Variants in COL24A1 observed in about 807,000 individuals in gnomAD.
COL24A1 encodes the protein collagen type XXIV alpha 1 chain.
In COL24A1, 224 loss-of-function variants were observed where a neutral mutation model predicts 253.9. The ratio of observed to expected loss-of-function variants is 0.88; its 90% CI spans 0.79 to 0.99. The LOEUF is 0.99. Ranked by LOEUF, COL24A1 falls within the 50% of genes least tolerant of loss-of-function variation. COL24A1 has a pLI of 0.00. For missense variants in COL24A1, 2,131 were observed against 2,068.5 expected, an observed-to-expected ratio of 1.03 and a Z score of -0.59; for synonymous variants, 685 against 673.7, an observed-to-expected ratio of 1.02 and a Z score of -0.26.
rs138785101 is a variant in COL24A1, at chr1:85,996,232, A to C, written c.2311-8578T>G. Among the ~76,000 whole-genome samples, 577 of 152,280 alleles carry C rather than the reference A, an allele frequency of 3.8e-3. 5 individuals are homozygous for C. The highest frequency in any genetic ancestry group is 0.013 in the African/African-American group (557 of 41,554). ...AGAGAAAATAGAAATTATTTATTGA[A>C]CTTGTCCCCAGATAAAATCAGTGGA... On this transcript the variant is annotated intron_variant, in intron 19 of 59. Coordinates refer to ENST00000370571, the MANE Select transcript of COL24A1 (RefSeq NM_152890.7).
rs371601939 is a variant in COL24A1 at position 85,872,653 on chromosome 1, G to A, written c.3138+1996C>T. The stretch of plus-strand genomic sequence containing the variant: ...TAGCCATATGTAGAAAGCTGAAAAC[G>A]GATCCCTTTCTTACACCTTATACAA... On this transcript the variant is annotated intron_variant, in intron 35 of 59. Coordinates refer to ENST00000370571, the MANE Select transcript of COL24A1 (RefSeq NM_152890.7). 1.1e-4 allele frequency among the ~76,000 whole-genome samples: 17 copies of A among 152,210 alleles called. No individual in the cohort carries two copies. In the East Asian group the frequency reaches 2.3e-3, roughly 21 times the overall value.
At chr1:85,957,037 T>C (rs1428826412) in intron 24 of COL24A1, among the ~76,000 whole-genome samples, 4 of 151,908 alleles carry the variant, frequency 2.6e-5, no homozygotes, top group Non-Finnish European at 5.9e-5. Flanking sequence ...TATGCAGCCA[T>C]AAAAAAGAAT....
chr1:85,798,761 T>G (rs1671091979), intron 47 of COL24A1, among the ~76,000 whole-genome samples: 1 of 152,200 alleles, frequency 6.6e-6, no homozygotes, highest in Non-Finnish European at 1.5e-5. Context: ...ACAACACTTA[T>G]GCTTGTGTTC....
intron 18 of COL24A1, among the ~76,000 whole-genome samples, chr1:86,019,422 T>TGGGGGTGGACCATACCCA: frequency 6.7e-6 from 1 of 150,198 alleles, no homozygotes; most frequent in South Asian, 2.1e-4. Flanking sequence ...TAGCTGGGTA[T>TGGGGGTGGACCATACCCA]GGTGGTGGAC....
chr1:85,826,853 C>T (rs1447054628), intron 43 of COL24A1, among the ~76,000 whole-genome samples: 1 of 152,184 alleles, frequency 6.6e-6, no homozygotes, highest in African/African-American at 2.4e-5. Flanking sequence ...TCTAGATATA[C>T]AATCATGGCA....
At chr1:86,012,014 C>A (rs1696535543) in intron 19 of COL24A1, among the ~76,000 whole-genome samples, 1 of 152,082 alleles carries the variant, frequency 6.6e-6, no homozygotes, top group African/African-American at 2.4e-5. Flanking sequence ...GACAAAGCCT[C>A]ACTATGTTGC....
At chr1:86,128,352 T>C (rs1648637921) in intron 2 of COL24A1, among the ~76,000 whole-genome samples, 1 of 151,952 alleles carries the variant, frequency 6.6e-6, no homozygotes, top group Admixed American at 6.6e-5. Flanking sequence ...ACTCTAAAGG[T>C]ATGCCTAGCT....
chr1:85,906,278 A>T (rs865939181), intron 28 of COL24A1, among the ~76,000 whole-genome samples: 81 of 6,042 alleles, frequency 0.013, 1 homozygote, highest in East Asian at 0.018. Context: ...TTTTTTTTTT[A>T]CCATGGTTAG....
intron 2 of COL24A1, among the ~76,000 whole-genome samples, chr1:86,131,409 A>T (rs979002829): frequency 9.2e-5 from 14 of 152,030 alleles, no homozygotes; most frequent in African/African-American, 3.4e-4. Flanking sequence ...CATGTGCACA[A>T]TGTGCAGGTT....
intron 46 of COL24A1, 59 bp downstream of exon 46, chr1:85,817,975 G>C: frequency 1.4e-6 from 2 of 1,417,428 alleles, no homozygotes; most frequent in South Asian, 2.3e-5. Context: ...TTTTCTGCTT[G>C]CTAAAGTTGC....
intron 32 of COL24A1, among the ~76,000 whole-genome samples, chr1:85,885,398 T>TA (rs1553213745): frequency 0.06 from 3,494 of 58,102 alleles, 122 homozygotes; most frequent in African/African-American, 0.16. Flanking sequence ...TATATATATA[T>TA]TTTTTTTTTA....
At chr1:86,033,382 A>G (rs1698743198) in intron 13 of COL24A1, among the ~76,000 whole-genome samples, 1 of 152,118 alleles carries the variant, frequency 6.6e-6, no homozygotes, top group African/African-American at 2.4e-5. Flanking sequence ...ATAGCAATCC[A>G]TCATCATTCT....
Position 85,987,605 on chromosome 1 carries a change from G to A in COL24A1, c.2360C>T (p.Pro787Leu), listed in dbSNP as rs1693837626. The change falls in exon 20 of 60, where the codon CCA (proline) becomes CTA (leucine). Residue 787 changes from proline (P) to leucine (L), a missense_variant. Transcript: ENST00000370571. ...GIPGQNGPEG[P>L]KGLLGNRGPP... ...CTCTCTTCTTCTTCTTCTTACCTTT[G>A]GTCCTTCAGGGCCGTTTTGTCCAGG... is the stretch of plus-strand genomic sequence containing the variant. 1.2e-6 allele frequency: 2 copies of A among 1,609,300 alleles called. No individual in the cohort carries two copies. The highest frequency in any genetic ancestry group is 1.7e-6 in the Non-Finnish European group (2 of 1,177,114).
At chr1:86,107,226 T>G (rs1028516197) in intron 5 of COL24A1, among the ~76,000 whole-genome samples, 2 of 152,158 alleles carry the variant, frequency 1.3e-5, no homozygotes, top group Admixed American at 6.5e-5. Context: ...TTACAAACAG[T>G]GTTACCTTGG....
intron 24 of COL24A1, among the ~76,000 whole-genome samples, chr1:85,948,075 G>T (rs1189570563): frequency 1.3e-5 from 2 of 152,078 alleles, no homozygotes; most frequent in African/African-American, 2.4e-5. Context: ...CATATCTCCT[G>T]ATGAAAACAA....
At chr1:85,904,671 T>C (rs1684635092) in intron 28 of COL24A1, among the ~76,000 whole-genome samples, 1 of 152,184 alleles carries the variant, frequency 6.6e-6, no homozygotes, top group Non-Finnish European at 1.5e-5. Context: ...TAAGAATCTC[T>C]GTAAGAATGA....
intron 24 of COL24A1, among the ~76,000 whole-genome samples, chr1:85,949,405 G>A (rs780835044): frequency 3.3e-5 from 5 of 152,036 alleles, no homozygotes; most frequent in African/African-American, 4.8e-5. Context: ...TGGATATTTA[G>A]GGAAGATACA....
chr1:85,926,221 C>G (rs1484982338), intron 24 of COL24A1, among the ~76,000 whole-genome samples: 1 of 152,256 alleles, frequency 6.6e-6, no homozygotes. Flanking sequence ...TTTTACACTG[C>G]TGGTGGGAGT....
intron 3 of COL24A1, among the ~76,000 whole-genome samples, chr1:86,123,673 T>G (rs114731014): frequency 2.4e-4 from 36 of 152,184 alleles, no homozygotes; most frequent in African/African-American, 7.0e-4. Flanking sequence ...CATAACTATT[T>G]GCTTAATATT....
Sources: allele counts gnomAD v4.1 joint callset (sites outside exome capture counted in the v4.1 genomes callset), GRCh38; gene constraint gnomAD v4.1.1; transcripts MANE v1.5; gene names NCBI Gene and HGNC (gene_info 2026-07-23, HGNC 2026-07-21).